The following DLGAP2 variants were observed in gnomAD, a reference collection of about 807,000 sequenced individuals.
DLGAP2 encodes disks large-associated protein 2.
DLGAP2 carries 26 observed loss-of-function variants against 100.3 expected under a neutral mutation model. The observed-to-expected ratio is 0.26, with a 90% confidence interval of 0.19 to 0.36. The LOEUF is 0.36. Ranked by LOEUF, DLGAP2 falls within the 10% of genes least tolerant of loss-of-function variation. DLGAP2 has a pLI of 1.00. For missense variants in DLGAP2, 1,858 were observed against 1,453.2 expected (o/e 1.28, Z -4.53); for synonymous variants, 886 against 630.1 (o/e 1.41, Z -6.08).
rs555269324 is a variant in DLGAP2, at chr8:892,058, G to A, written c.19-15854G>A. ...CTGTCAAAACCGCAGATAATAGCAA[G>A]TGTTGGGAGGATGTGGAGGAATTGG... On this transcript the variant is annotated intron_variant, in intron 1 of 14. Transcript: ENST00000637795. Among the ~76,000 whole-genome samples the A allele has an allele frequency of 3.9e-5, 6 of 152,382 alleles. No homozygotes were observed. The East Asian group carries it at 9.6e-4, about 25-fold the overall frequency.
At chr8:1,347,218 A>G (rs1245851060) in intron 3 of DLGAP2, among the ~76,000 whole-genome samples, 1 of 151,256 alleles carries the variant, frequency 6.6e-6, no homozygotes, top group Non-Finnish European at 1.5e-5. Flanking sequence ...GTTCCTACAC[A>G]GAGCTGCATT....
At chr8:1,296,770 A>G (rs372463106) in intron 3 of DLGAP2, among the ~76,000 whole-genome samples, 2 of 152,178 alleles carry the variant, frequency 1.3e-5, no homozygotes, top group African/African-American at 4.8e-5. Flanking sequence ...GAGTCCCTGA[A>G]CGTGCCACTG....
chr8:1,357,516 T>C (rs1801883428), intron 3 of DLGAP2, among the ~76,000 whole-genome samples: 1 of 151,942 alleles, frequency 6.6e-6, no homozygotes, highest in South Asian at 2.1e-4. Flanking sequence ...ATTAATACCA[T>C]CTGTAGTAGT....
At chr8:1,294,822 T>C (rs930895047) in intron 3 of DLGAP2, among the ~76,000 whole-genome samples, 2 of 151,824 alleles carry the variant, frequency 1.3e-5, no homozygotes, top group Non-Finnish European at 1.5e-5. Flanking sequence ...TGAGCTGAGA[T>C]TGTGCTGTTG....
chr8:1,176,738 C>T (rs377466312), intron 2 of DLGAP2, among the ~76,000 whole-genome samples: 17 of 152,168 alleles, frequency 1.1e-4, no homozygotes, highest in Non-Finnish European at 2.9e-5. Flanking sequence ...GGTGCAGCCC[C>T]GTCTGCTGGT....
intron 6 of DLGAP2, among the ~76,000 whole-genome samples, chr8:1,571,513 G>C (rs1307067032): frequency 6.8e-6 from 1 of 147,794 alleles, no homozygotes; most frequent in Non-Finnish European, 1.5e-5. Flanking sequence ...TGAACTGGAG[G>C]GTTGTCTTCT....
intron 1 of DLGAP2, among the ~76,000 whole-genome samples, chr8:780,729 A>G (rs541767431): frequency 3.6e-4 from 55 of 152,322 alleles, no homozygotes; most frequent in African/African-American, 1.2e-3. Context: ...CTCACAGCAC[A>G]TTGTCATTAA....
chr8:1,094,025 CGGTG>C (rs1368751542), intron 2 of DLGAP2, among the ~76,000 whole-genome samples: 10 of 146,820 alleles, frequency 6.8e-5, no homozygotes, highest in Non-Finnish European at 1.1e-4. Flanking sequence ...GGCAGCTTCG[CGGTG>C]GGTGGAGGGA....
chr8:1,323,372 A>G (rs1337528277), intron 3 of DLGAP2, among the ~76,000 whole-genome samples: 2 of 152,106 alleles, frequency 1.3e-5, no homozygotes, highest in African/African-American at 2.4e-5. Context: ...ACCACGATGC[A>G]CATCCTCCGG....
intron 2 of DLGAP2, among the ~76,000 whole-genome samples, chr8:1,098,003 T>C (rs1804443973): frequency 6.6e-6 from 1 of 152,280 alleles, no homozygotes; most frequent in South Asian, 2.1e-4. Context: ...CCCAGCCGCA[T>C]GGCCTTCGAC....
At chr8:1,090,284 T>C (rs1318111195) in intron 2 of DLGAP2, among the ~76,000 whole-genome samples, 1 of 150,402 alleles carries the variant, frequency 6.6e-6, no homozygotes. Context: ...TCTGGAGCCC[T>C]CCTGGCCAGG....
chr8:1,042,569 A>G (rs1802384354), intron 2 of DLGAP2, among the ~76,000 whole-genome samples: 1 of 152,174 alleles, frequency 6.6e-6, no homozygotes, highest in African/African-American at 2.4e-5. Context: ...GTATTGAGTG[A>G]TGCATTCAGC....
intron 2 of DLGAP2, among the ~76,000 whole-genome samples, chr8:1,183,806 A>T (rs1797442895): frequency 6.6e-6 from 1 of 152,128 alleles, no homozygotes; most frequent in Non-Finnish European, 1.5e-5. Flanking sequence ...AGTACGGAAC[A>T]CCCTTTGCAA....
intron 5 of DLGAP2, among the ~76,000 whole-genome samples, chr8:1,558,645 A>T (rs1321549975): frequency 6.6e-6 from 1 of 151,752 alleles, no homozygotes; most frequent in African/African-American, 2.4e-5. Flanking sequence ...CATTACACAT[A>T]CATAAACACA....
At position 857,638 on chromosome 8, in the gene DLGAP2, C is replaced by G. The variant is rs112155355; in HGVS notation, c.19-50274C>G. ...AACAGCAAGGAGACAGTGCCACACC[C>G]CTGCTGGAATGGCCAAGATCCAGAC... On this transcript the variant is annotated intron_variant, in intron 1 of 14. Transcript: ENST00000637795. Among the ~76,000 whole-genome samples, 470 of 152,262 alleles carry G rather than the reference C, an allele frequency of 3.1e-3. 3 individuals are homozygous for G. Among genetic ancestry groups the G allele is most frequent in the South Asian group, 0.014 (69 of 4,818 alleles).
At chr8:1,321,771 AG>A (rs1417639178) in intron 3 of DLGAP2, among the ~76,000 whole-genome samples, 1 of 152,214 alleles carries the variant, frequency 6.6e-6, no homozygotes, top group African/African-American at 2.4e-5. Flanking sequence ...AGAATTCTAA[AG>A]GGGAAAATGT....
chr8:1,570,674 G>A (rs1344417111), intron 6 of DLGAP2, among the ~76,000 whole-genome samples: 1 of 150,644 alleles, frequency 6.6e-6, no homozygotes, highest in African/African-American at 2.5e-5. Flanking sequence ...GGGATGGAGG[G>A]AGGGGTGAAC....
Position 1,678,235 on chromosome 8 carries a change from T to C in DLGAP2, c.2310T>C (p.Ser770=), listed in dbSNP as rs1798856171. Residue 770 remains serine, a synonymous_variant, in exon 12 of 15, where the codon TCT becomes TCC. Coordinates refer to ENST00000637795, the MANE Select transcript of DLGAP2 (RefSeq NM_001346810.2). ...DEKRHGRFKR[S]NSVTAAVQAD... The stretch of plus-strand genomic sequence containing the variant: ...GCAGACACGGACGTTTTAAACGTTC[T>C]AACAGCGTCACGGCCGCCGTCCAAG... 3.1e-6 allele frequency: 5 copies of C among 1,613,360 alleles called. No homozygotes were observed. The South Asian group carries it at 5.5e-5, about 18-fold the overall frequency.
chr8:1,638,446 C>G (rs555502003), intron 8 of DLGAP2, among the ~76,000 whole-genome samples: 11 of 152,222 alleles, frequency 7.2e-5, no homozygotes, highest in Non-Finnish European at 1.3e-4. Context: ...CTCACAGCCT[C>G]CATGACATGA....
Sources: gnomAD v4.1 joint callset for allele counts (sites outside exome capture counted in the v4.1 genomes callset) on GRCh38, gnomAD v4.1.1 for gene constraint, MANE v1.5 for transcripts, NCBI Gene and HGNC (gene_info 2026-07-23, HGNC 2026-07-21) for gene names.